Variants in ZFAT observed in about 807,000 individuals in gnomAD.
ZFAT encodes zinc finger and AT-hook domain containing, also known as zinc finger protein ZFAT.
ZFAT carries 64 observed loss-of-function variants against 117.7 expected under a neutral mutation model. The observed-to-expected ratio is 0.54, with a 90% CI of 0.44 to 0.67. ZFAT has a LOEUF of 0.67. ZFAT is among the 30% of genes least tolerant of loss of function. The pLI is 0.00. For missense variants in ZFAT, 1,433 were observed against 1,584.5 expected (o/e 0.90, Z 1.62); for synonymous variants, 679 against 615.0 (o/e 1.10, Z -1.54).
intron 1 of ZFAT, among the ~76,000 whole-genome samples, chr8:134,679,092 T>C (rs947678838): frequency 2.0e-5 from 3 of 151,908 alleles, no homozygotes; most frequent in African/African-American, 7.3e-5. Context: ...ACAAATAGGA[T>C]CTAATTAAAC....
the ZFAT span, among the ~76,000 whole-genome samples, chr8:134,746,129 G>T: frequency 6.6e-6 from 1 of 152,170 alleles, no homozygotes; most frequent in Non-Finnish European, 1.5e-5. Flanking sequence ...GCTCTTTGCA[G>T]TACATTGAAA....
chr8:134,669,652 C>A (rs1391190623), intron 1 of ZFAT, among the ~76,000 whole-genome samples: 1 of 152,208 alleles, frequency 6.6e-6, no homozygotes, highest in East Asian at 1.9e-4. Context: ...AAAAACATGA[C>A]AAATTGTAAA....
At chr8:134,590,794 T>TCAC (rs34831588) in intron 7 of ZFAT, among the ~76,000 whole-genome samples, 1 of 148,932 alleles carries the variant, frequency 6.7e-6, no homozygotes, top group African/African-American at 2.5e-5. Flanking sequence ...ACTGCCACCA[T>TCAC]CACCACCACC....
At chr8:134,701,838 G>A (rs953831681) in intron 1 of ZFAT, among the ~76,000 whole-genome samples, 1 of 152,164 alleles carries the variant, frequency 6.6e-6, no homozygotes, top group Non-Finnish European at 1.5e-5. Context: ...GTTCCAGTTT[G>A]GGGCTTGCTA....
chr8:134,626,235 C>A (rs1324911797), intron 3 of ZFAT, among the ~76,000 whole-genome samples: 1 of 152,192 alleles, frequency 6.6e-6, no homozygotes, highest in Non-Finnish European at 1.5e-5. Flanking sequence ...GGTTTGAATT[C>A]ACACGACTCT....
chr8:134,584,785 G>T (rs1321908166), intron 9 of ZFAT, among the ~76,000 whole-genome samples: 1 of 152,202 alleles, frequency 6.6e-6, no homozygotes, highest in Non-Finnish European at 1.5e-5. Flanking sequence ...CAGGGGCTGG[G>T]GCCGGGGGAA....
intron 1 of ZFAT, among the ~76,000 whole-genome samples, chr8:134,700,824 C>A (rs1833990993): frequency 6.6e-6 from 1 of 152,204 alleles, no homozygotes; most frequent in Admixed American, 6.5e-5. Context: ...GATCCCCCTA[C>A]TCTACCTTGT....
rs538315828 is a variant in ZFAT at position 134,490,059 on chromosome 8, C to T, written c.3493-11338G>A. On this transcript the variant is annotated intron_variant, in intron 15 of 15. Transcript: ENST00000377838. ...CCCCAGTCCTCCCCTCCCCAGAGGGCTACCCCGGCCAGGCCACGCTATTTC... is the reference window on the plus strand; with the variant it reads ...CCCCAGTCCTCCCCTCCCCAGAGGGTTACCCCGGCCAGGCCACGCTATTTC... Among the ~76,000 whole-genome samples, 12 of 152,352 alleles carry T rather than the reference C, an allele frequency of 7.9e-5. No homozygotes were observed. The South Asian group carries it at 2.3e-3, about 29-fold the overall frequency.
At chr8:134,697,543 C>T (rs1833898919) in intron 1 of ZFAT, among the ~76,000 whole-genome samples, 1 of 150,086 alleles carries the variant, frequency 6.7e-6, no homozygotes, top group East Asian at 2.1e-4. Context: ...CTGGCTAACA[C>T]GGCGAAACCC....
chr8:134,596,510 C>G (rs1222803257), intron 7 of ZFAT, among the ~76,000 whole-genome samples: 1 of 152,040 alleles, frequency 6.6e-6, no homozygotes, highest in African/African-American at 2.4e-5. Flanking sequence ...TTTTGAAAAC[C>G]CTTTAAGGAA....
At chr8:134,666,577 G>A (rs893310515) in intron 1 of ZFAT, among the ~76,000 whole-genome samples, 13 of 151,968 alleles carry the variant, frequency 8.6e-5, no homozygotes, top group African/African-American at 1.4e-4. Context: ...TACAACAAGC[G>A]AAAAAACATT....
chr8:134,488,156 A>T (rs1817786076), intron 15 of ZFAT, among the ~76,000 whole-genome samples: 1 of 152,230 alleles, frequency 6.6e-6, no homozygotes, highest in Admixed American at 6.5e-5. Context: ...GAGGCACCTC[A>T]CGGCCCAGAT....
intron 15 of ZFAT, among the ~76,000 whole-genome samples, chr8:134,493,370 C>T (rs1818191450): frequency 6.6e-6 from 1 of 152,188 alleles, no homozygotes. Context: ...TCGAAACAGG[C>T]TGAGAGGAGC....
At chr8:134,765,613 T>C in the ZFAT span, 1 of 152,204 alleles carries the variant, frequency 6.6e-6, no homozygotes, top group Non-Finnish European at 1.5e-5. Context: ...TCTCAGACCT[T>C]GTACTTTACT....
chr8:134,729,743 T>C, the ZFAT span, among the ~76,000 whole-genome samples: 1 of 152,166 alleles, frequency 6.6e-6, no homozygotes, highest in South Asian at 2.1e-4. Context: ...TGCTTGAGTT[T>C]GTAATCCTGA....
chr8:134,509,768 A>G lies in ZFAT; in HGVS notation c.3362-19T>C. Reference sequence around the variant, plus strand: ...CGGTCGCCTTAAGAGGAAGAAGCAAAGAGGACACCATTCAGGCCACTGGTG... The same window carrying G: ...CGGTCGCCTTAAGAGGAAGAAGCAAGGAGGACACCATTCAGGCCACTGGTG... On this transcript the variant is annotated intron_variant, in intron 14 of 15. Coordinates refer to ENST00000377838, the MANE Select transcript of ZFAT (RefSeq NM_020863.4). The G allele has an allele frequency of 6.3e-7, 1 of 1,584,074 alleles. No individual in the cohort carries two copies. Among genetic ancestry groups the G allele is most frequent in the Non-Finnish European group, 8.6e-7 (1 of 1,167,948 alleles).
At chr8:134,733,958 C>T in the ZFAT span, among the ~76,000 whole-genome samples, 8 of 152,236 alleles carry the variant, frequency 5.3e-5, no homozygotes, top group African/African-American at 1.4e-4. Context: ...AGAGGCCTAA[C>T]AAACATGAGG....
At chr8:134,536,181 A>C (rs192973636) in intron 11 of ZFAT, among the ~76,000 whole-genome samples, 1 of 152,214 alleles carries the variant, frequency 6.6e-6, no homozygotes, top group Admixed American at 6.5e-5. Context: ...ATGAGGATTC[A>C]GTCTCTTGAG....
At chr8:134,584,962 G>A (rs536874979) in intron 9 of ZFAT, among the ~76,000 whole-genome samples, 1 of 152,326 alleles carries the variant, frequency 6.6e-6, no homozygotes, top group Non-Finnish European at 1.5e-5. Context: ...GAGCTGAGTT[G>A]CACATTGGGG....
Sources: gnomAD v4.1 joint callset for allele counts (sites outside exome capture counted in the v4.1 genomes callset) on GRCh38, gnomAD v4.1.1 for gene constraint, MANE v1.5 for transcripts, NCBI Gene and HGNC (gene_info 2026-07-23, HGNC 2026-07-21) for gene names.